Variants in RBFOX1 observed in about 807,000 individuals in gnomAD.
The protein encoded by RBFOX1 is RNA binding fox-1 homolog 1, also known as RNA binding protein fox-1 homolog 1.
Under a neutral mutation model 57.7 loss-of-function variants are expected in RBFOX1, and 8 were observed. The observed-to-expected ratio is 0.14, with a 90% CI of 0.08 to 0.25. The LOEUF (loss-of-function observed/expected upper bound fraction) is 0.25. RBFOX1 is among the 10% of genes least tolerant of loss of function. The pLI, the probability that RBFOX1 is intolerant of heterozygous loss-of-function variation, is 1.00. For synonymous variants in RBFOX1, 326 were observed against 222.4 expected (o/e 1.47, Z -4.15); for missense variants, 611 against 548.5 (o/e 1.11, Z -1.14).
chr16:6,760,165 A>G (rs2076402907), intron 3 of RBFOX1, among the ~76,000 whole-genome samples: 1 of 152,212 alleles, frequency 6.6e-6, no homozygotes, highest in Non-Finnish European at 1.5e-5. Context: ...CACAAAGATA[A>G]GCATCGCTAT....
intron 2 of RBFOX1, among the ~76,000 whole-genome samples, chr16:5,598,021 G>A (rs2047243455): frequency 6.6e-6 from 1 of 152,134 alleles, no homozygotes; most frequent in African/African-American, 2.4e-5. Flanking sequence ...CAGTGGCTGG[G>A]TGTGGTGGCT....
chr16:7,624,985 G>C (rs546267176), intron 10 of RBFOX1, among the ~76,000 whole-genome samples: 1 of 152,184 alleles, frequency 6.6e-6, no homozygotes, highest in Non-Finnish European at 1.5e-5. Context: ...TACAGAGACC[G>C]GAGAGTGGGG....
chr16:5,517,216 A>G (rs2043824991), intron 2 of RBFOX1, among the ~76,000 whole-genome samples: 1 of 152,184 alleles, frequency 6.6e-6, no homozygotes, highest in South Asian at 2.1e-4. Flanking sequence ...AGATTGGTGT[A>G]TCTCACAGCA....
intron 2 of RBFOX1, among the ~76,000 whole-genome samples, chr16:6,513,520 G>A (rs560496217): frequency 3.0e-4 from 45 of 152,176 alleles, no homozygotes; most frequent in African/African-American, 9.9e-4. Context: ...GATCACCTGA[G>A]GTCAGGAGTT....
chr16:7,254,419 G>A (rs1044437679), intron 4 of RBFOX1, among the ~76,000 whole-genome samples: 40 of 152,088 alleles, frequency 2.6e-4, no homozygotes, highest in African/African-American at 8.7e-4. Context: ...AATCTCCATT[G>A]CCAAGATATC....
chr16:7,624,689 G>T (rs914264466), intron 10 of RBFOX1, among the ~76,000 whole-genome samples: 2 of 152,164 alleles, frequency 1.3e-5, no homozygotes, highest in African/African-American at 2.4e-5. Flanking sequence ...GCCCTGCAGG[G>T]TTCTAGGGTT....
chr16:6,921,941 G>A (rs977685145), intron 3 of RBFOX1, among the ~76,000 whole-genome samples: 1 of 152,080 alleles, frequency 6.6e-6, no homozygotes, highest in Non-Finnish European at 1.5e-5. Context: ...AGTCACCTTA[G>A]CTTCTGCACA....
chr16:6,890,917 T>C (rs1204934847), intron 3 of RBFOX1, among the ~76,000 whole-genome samples: 1 of 152,174 alleles, frequency 6.6e-6, no homozygotes, highest in Non-Finnish European at 1.5e-5. Context: ...AGTGAGAAAC[T>C]TGAACAGACT....
rs566386773 is a variant in RBFOX1 at position 6,703,625 on chromosome 16, T to A, written c.-16+48975T>A. ...GGGAGGCTGAGGTGGGAGGATCACTTGAGCCTGAGAAGTTGAGGCTGCAGT... is the reference window on the plus strand; with the variant it reads ...GGGAGGCTGAGGTGGGAGGATCACTAGAGCCTGAGAAGTTGAGGCTGCAGT... On this transcript the variant is annotated intron_variant, in intron 3 of 15. Coordinates refer to ENST00000550418, the MANE Select transcript of RBFOX1 (RefSeq NM_018723.4). 1.2e-4 allele frequency among the ~76,000 whole-genome samples: 18 copies of A among 152,192 alleles called. No individual in the cohort carries two copies. In the South Asian group the frequency reaches 2.1e-3, roughly 18 times the overall value.
chr16:6,479,022 A>G (rs1257856665), intron 2 of RBFOX1, among the ~76,000 whole-genome samples: 1 of 152,186 alleles, frequency 6.6e-6, no homozygotes, highest in African/African-American at 2.4e-5. Flanking sequence ...ACAAAACTTC[A>G]ATTTGTACAA....
At chr16:5,438,843 G>A (rs1326898460) in intron 1 of RBFOX1, among the ~76,000 whole-genome samples, 3 of 152,032 alleles carry the variant, frequency 2.0e-5, no homozygotes, top group East Asian at 3.9e-4. Flanking sequence ...TCAAAATCCC[G>A]CCTTCACCAC....
At chr16:7,020,527 A>G (rs1252893178) in intron 3 of RBFOX1, among the ~76,000 whole-genome samples, 1 of 152,168 alleles carries the variant, frequency 6.6e-6, no homozygotes, top group South Asian at 2.1e-4. Flanking sequence ...CCAATCTAAA[A>G]TATTTTCAAA....
At chr16:7,505,990 C>G (rs1406066728) in intron 4 of RBFOX1, among the ~76,000 whole-genome samples, 1 of 151,732 alleles carries the variant, frequency 6.6e-6, no homozygotes, top group African/African-American at 2.4e-5. Context: ...TTGAGACCAT[C>G]CTGTCTAACA....
At chr16:7,569,233 T>C (rs1005571889) in intron 5 of RBFOX1, among the ~76,000 whole-genome samples, 1 of 152,068 alleles carries the variant, frequency 6.6e-6, no homozygotes, top group Non-Finnish European at 1.5e-5. Context: ...ACAACACAAG[T>C]ATATTAGGTT....
At chr16:6,058,091 G>A (rs2095636902) in intron 1 of RBFOX1, among the ~76,000 whole-genome samples, 1 of 152,138 alleles carries the variant, frequency 6.6e-6, no homozygotes, top group Non-Finnish European at 1.5e-5. Context: ...GGGAAGGCTT[G>A]TGAAAAGGGT....
At chr16:6,930,621 G>A (rs534142672) in intron 3 of RBFOX1, among the ~76,000 whole-genome samples, 3 of 152,090 alleles carry the variant, frequency 2.0e-5, no homozygotes, top group Non-Finnish European at 4.4e-5. Flanking sequence ...TGTTGGCCAG[G>A]CTGGTCTTGA....
chr16:7,166,999 T>TTTTTTTTTTTTTTTTTTTTTTC (rs2079682734), intron 4 of RBFOX1, among the ~76,000 whole-genome samples: 1 of 63,508 alleles, frequency 1.6e-5, no homozygotes, highest in African/African-American at 4.9e-5. Flanking sequence ...TTTTTTTTTT[T>TTTTTTTTTTTTTTTTTTTTTTC]TTTTTTTTGA....
rs932381463 is a variant in RBFOX1, at chr16:5,999,119, C to A, written c.351+131784C>A. Among the ~76,000 whole-genome samples the A allele has an allele frequency of 7.9e-5, 12 of 152,272 alleles. No individual in the cohort carries two copies. The East Asian group carries it at 1.4e-3, about 17-fold the overall frequency. ...GGAGGCTCAGGAGTCATTAGCAATTCATTAGTGGAAACTTTCTGAACAGTC... is the reference window on the plus strand; with the variant it reads ...GGAGGCTCAGGAGTCATTAGCAATTAATTAGTGGAAACTTTCTGAACAGTC... On this transcript the variant is annotated intron_variant, in intron 4 of 19. Coordinates refer to the RBFOX1 transcript ENST00000641259.
At chr16:5,776,478 T>G (rs898480156) in intron 3 of RBFOX1, among the ~76,000 whole-genome samples, 2 of 152,224 alleles carry the variant, frequency 1.3e-5, no homozygotes, top group African/African-American at 4.8e-5. Context: ...TGGGCTGAGC[T>G]TAAGTCTTCC....
Sources: allele counts gnomAD v4.1 joint callset (sites outside exome capture counted in the v4.1 genomes callset), GRCh38; gene constraint gnomAD v4.1.1; transcripts MANE v1.5; gene names NCBI Gene and HGNC (gene_info 2026-07-23, HGNC 2026-07-21).